Variants in ANKDD1B observed in about 807,000 individuals in gnomAD.
ANKDD1B encodes ankyrin repeat and death domain containing 1B, also known as ankyrin repeat and death domain-containing protein 1B.
In ANKDD1B, 57 loss-of-function variants were observed where a neutral mutation model predicts 59.7. The ratio of observed to expected loss-of-function variants is 0.95; its 90% confidence interval spans 0.77 to 1.19. The LOEUF (loss-of-function observed/expected upper bound fraction) is 1.19, where lower values mean the gene tolerates loss of function less well. Among genes scored for constraint, ANKDD1B ranks in the 50% most tolerant of loss-of-function variants. The pLI is 0.00. For synonymous variants in ANKDD1B, 216 were observed against 239.5 expected (o/e 0.90, Z 0.91); for missense variants, 602 against 641.9 (o/e 0.94, Z 0.67).
At position 75,653,261 on chromosome 5, in the gene ANKDD1B, C is replaced by T. The variant is rs530249329; in HGVS notation, c.897+21C>T. 2.1e-5 allele frequency: 32 copies of T among 1,510,038 alleles called. No homozygotes were observed. In the African/African-American group the frequency reaches 2.2e-4, roughly 10 times the overall value. The allele number at this position is 1,510,038 out of a possible 1,614,324, so 93.5% of individuals were successfully genotyped here. A position where few individuals can be genotyped will look rare whatever the true frequency, so the allele number is the denominator to read the frequency against. ...TGGAAGTGAGTTTATTCCAATGACACGGGCTTTGGTCCTGGCGCCGTGAGG... is the reference window on the plus strand; with the variant it reads ...TGGAAGTGAGTTTATTCCAATGACATGGGCTTTGGTCCTGGCGCCGTGAGG... On this transcript the variant is annotated intron_variant, in intron 8 of 13. Transcript: ENST00000601380.
intron 7 of ANKDD1B, among the ~76,000 whole-genome samples, chr5:75,648,403 G>C (rs1774717504): frequency 6.6e-6 from 1 of 152,034 alleles, no homozygotes; most frequent in Admixed American, 6.6e-5. Flanking sequence ...TTCCTGGGAA[G>C]GCTTCCCAGG....
intron 7 of ANKDD1B, among the ~76,000 whole-genome samples, chr5:75,651,873 A>G (rs1162660535): frequency 6.6e-6 from 1 of 152,204 alleles, no homozygotes; most frequent in Admixed American, 6.5e-5. Flanking sequence ...CTAGCAGATC[A>G]GGTTCTGATG....
intron 1 of ANKDD1B, among the ~76,000 whole-genome samples, chr5:75,614,028 A>T (rs930532329): frequency 1.3e-4 from 20 of 152,304 alleles, no homozygotes; most frequent in Non-Finnish European, 2.2e-4. Context: ...AGGGTCTCTC[A>T]TCTTCTTAGT....
chr5:75,611,583 T>A lies in ANKDD1B; in HGVS notation c.-52T>A. On this transcript the variant is annotated 5_prime_UTR_variant, in exon 1 of 14. Transcript: ENST00000601380. Reference sequence around the variant, plus strand: ...ATCTGTGTCCGAGTCTGGGTCTGGATCTGGGTCCGAGTCTGGGTCTGGCCC... The same window carrying A: ...ATCTGTGTCCGAGTCTGGGTCTGGAACTGGGTCCGAGTCTGGGTCTGGCCC... The A allele has an allele frequency of 9.2e-7, 1 of 1,084,198 alleles. No individual in the cohort carries two copies. The highest frequency in any genetic ancestry group is 1.1e-6 in the Non-Finnish European group (1 of 873,146). The allele number at this position is 1,084,198 out of a possible 1,614,324, so 67.2% of individuals were successfully genotyped here. A position where few individuals can be genotyped will look rare whatever the true frequency, so the allele number is the denominator to read the frequency against.
chr5:75,659,512 C>G, intron 10 of ANKDD1B, 131 bp downstream of exon 10: 1 of 693,216 alleles, frequency 1.4e-6, no homozygotes, highest in Non-Finnish European at 2.5e-6. Context: ...CATGCATCTT[C>G]ATAGTCAGTA....
chr5:75,628,468 T>C (rs1774048867), intron 5 of ANKDD1B, among the ~76,000 whole-genome samples: 1 of 152,250 alleles, frequency 6.6e-6, no homozygotes, highest in African/African-American at 2.4e-5. Flanking sequence ...GATTTACTGC[T>C]GGGTTTCCCA....
At chr5:75,649,581 A>C (rs1343449276) in intron 7 of ANKDD1B, among the ~76,000 whole-genome samples, 1 of 152,112 alleles carries the variant, frequency 6.6e-6, no homozygotes, top group Non-Finnish European at 1.5e-5. Flanking sequence ...GACTCCTACT[A>C]CAGGGTTCCT....
intron 5 of ANKDD1B, among the ~76,000 whole-genome samples, chr5:75,626,244 A>G (rs575951823): frequency 3.9e-5 from 6 of 152,314 alleles, no homozygotes; most frequent in Admixed American, 2.0e-4. Flanking sequence ...TATCCCCTCT[A>G]GTAATCAGAA....
At chr5:75,632,489 T>A (rs1774191400) in intron 5 of ANKDD1B, among the ~76,000 whole-genome samples, 2 of 152,236 alleles carry the variant, frequency 1.3e-5, no homozygotes, top group South Asian at 4.1e-4. Flanking sequence ...TATCTCATGG[T>A]TGGCTCTCAT....
At chr5:75,660,506 A>G (rs544973766) in intron 10 of ANKDD1B, among the ~76,000 whole-genome samples, 1 of 152,336 alleles carries the variant, frequency 6.6e-6, no homozygotes, top group South Asian at 2.1e-4. Flanking sequence ...ATCGATGGAC[A>G]TTTGGGTTGC....
intron 7 of ANKDD1B, among the ~76,000 whole-genome samples, chr5:75,641,411 G>A (rs770949634): frequency 6.6e-6 from 1 of 152,086 alleles, no homozygotes; most frequent in African/African-American, 2.4e-5. Context: ...GCACCAAAGG[G>A]TATATGATAA....
Position 75,611,627 on chromosome 5 carries a change from A to T in ANKDD1B, c.-8A>T, listed in dbSNP as rs1310178644. 4 of 1,230,680 alleles carry T rather than the reference A, an allele frequency of 3.3e-6. No homozygotes were observed. Among genetic ancestry groups the T allele is most frequent in the Non-Finnish European group, 4.1e-6 (4 of 987,598 alleles). The allele number at this position is 1,230,680 out of a possible 1,614,324, so 76.2% of individuals were successfully genotyped here. On this transcript the variant is annotated 5_prime_UTR_variant, in exon 1 of 14. Transcript: ENST00000601380. Reference sequence around the variant, plus strand: ...CTGGCCCTGCGCTCAGGGCCCGCGGAGGAGACTATGGACCCCGCCGGGCGC... The same window carrying T: ...CTGGCCCTGCGCTCAGGGCCCGCGGTGGAGACTATGGACCCCGCCGGGCGC...
chr5:75,660,057 G>T (rs1229173591), intron 10 of ANKDD1B, among the ~76,000 whole-genome samples: 1 of 152,012 alleles, frequency 6.6e-6, no homozygotes, highest in Non-Finnish European at 1.5e-5. Context: ...TGCAATGAAT[G>T]ACTTTACATA....
intron 1 of ANKDD1B, among the ~76,000 whole-genome samples, chr5:75,615,154 G>C (rs1258926154): frequency 1.3e-5 from 2 of 152,284 alleles, no homozygotes; most frequent in Non-Finnish European, 1.5e-5. Flanking sequence ...ACTTCATAAG[G>C]TTGCAGAATT....
intron 11 of ANKDD1B, among the ~76,000 whole-genome samples, chr5:75,666,346 G>T (rs1370046308): frequency 1.3e-5 from 2 of 152,120 alleles, no homozygotes; most frequent in African/African-American, 4.8e-5. Flanking sequence ...GATGAATGAG[G>T]GACCAGCTGT....
At chr5:75,629,772 C>CA (rs1250254301) in intron 5 of ANKDD1B, among the ~76,000 whole-genome samples, 2 of 151,960 alleles carry the variant, frequency 1.3e-5, no homozygotes, top group South Asian at 4.2e-4. Context: ...CCTGCCTTTA[C>CA]AAAAAATACA....
rs1386157376 is a variant in ANKDD1B, at chr5:75,669,365, G to C, written c.1507G>C (p.Gly503Arg). The change falls in exon 13 of 14, where the codon GGT becomes CGT. Residue 503 changes from glycine to arginine, a missense_variant. Gly to Arg is a moderately radical substitution (Grantham distance 125, BLOSUM62 -2). Around this residue, in one of 3 missense-constraint regions of ANKDD1B, gnomAD observed 280 missense variants for 319.8 expected, o/e 0.88. Coordinates refer to ENST00000601380, the MANE Select transcript of ANKDD1B (RefSeq NM_001276713.2). ...KQLYEELVHA[G>R]FPKLAEKTRH... ...ACTGTATGAAGAGCTGGTACACGCA[G>C]GTTTCCCAAAACTAGCTGGTAAGTG... The C allele has an allele frequency of 1.6e-6, 2 of 1,232,056 alleles. No individual in the cohort carries two copies. Among genetic ancestry groups the C allele is most frequent in the African/African-American group, 3.1e-5 (2 of 64,402 alleles). The allele number at this position is 1,232,056 out of a possible 1,614,324, so 76.3% of individuals were successfully genotyped here.
At position 75,611,702 on chromosome 5, in the gene ANKDD1B, C is replaced by G. The variant is rs1183139687; in HGVS notation, c.68C>G (p.Ala23Gly). ...TAGGLLLRAA[A>G]AAKGLREDLW... Reference sequence around the variant, plus strand: ...GGGGGGCTGCTGCTCCGGGCTGCTGCGGCCGCCAAGGGTCTCAGGGAAGAC... The same window carrying G: ...GGGGGGCTGCTGCTCCGGGCTGCTGGGGCCGCCAAGGGTCTCAGGGAAGAC... Residue 23 changes from alanine (A) to glycine (G), a missense_variant, in exon 1 of 14, where the codon GCG (alanine) becomes GGG (glycine). By Grantham distance (60) the Ala-to-Gly change is moderately conservative (BLOSUM62 0). Coordinates refer to ENST00000601380, the MANE Select transcript of ANKDD1B (RefSeq NM_001276713.2). The G allele has an allele frequency of 2.4e-6, 3 of 1,231,660 alleles. No homozygotes were observed. Among genetic ancestry groups the G allele is most frequent in the Admixed American group, 4.2e-5 (1 of 23,702 alleles). 76.3% of individuals were successfully genotyped at this position (1,231,660 alleles called of 1,614,324 possible).
intron 7 of ANKDD1B, among the ~76,000 whole-genome samples, chr5:75,650,425 A>G (rs73124747): frequency 0.094 from 14,311 of 152,246 alleles, 1,658 homozygotes; most frequent in African/African-American, 0.27. Flanking sequence ...GAGACAAGGA[A>G]GTGGATTCTC....
Sources: gnomAD v4.1 joint callset for allele counts (sites outside exome capture counted in the v4.1 genomes callset) on GRCh38, gnomAD v4.1.1 for gene constraint, gnomAD v4.1.1 regional missense constraint, MANE v1.5 for transcripts, NCBI Gene and HGNC (gene_info 2026-07-23, HGNC 2026-07-21) for gene names.